Variants in HHLA2 observed in about 807,000 individuals in gnomAD.
The protein encoded by HHLA2 is HHLA2 member of B7 family.
Under a neutral mutation model 45.9 loss-of-function variants are expected in HHLA2, and 48 were observed. That is an observed-to-expected ratio of 1.05 (90% CI 0.83 to 1.33). The LOEUF is 1.33. Ranked by LOEUF, HHLA2 falls within the 40% of genes most tolerant of loss-of-function variation. The pLI is 0.00. For missense variants in HHLA2, 462 were observed against 494.3 expected (o/e 0.93, Z 0.62); for synonymous variants, 161 against 173.9 (o/e 0.93, Z 0.59).
chr3:108,326,604 C>A (rs1459442254), intron 2 of HHLA2: 1 of 152,274 alleles, frequency 6.6e-6, no homozygotes, highest in Admixed American at 6.5e-5. Flanking sequence ...GCTTTGCATT[C>A]ATGGCTATAT....
intron 1 of HHLA2, among the ~76,000 whole-genome samples, 187 bp downstream of exon 1, chr3:108,296,786 G>A (rs1255656807): frequency 1.3e-5 from 2 of 152,146 alleles, no homozygotes; most frequent in Non-Finnish European, 2.9e-5. Context: ...CTTAGTAAAA[G>A]GTTGTCTTGA....
At chr3:108,347,420 C>A (rs1276547748) in intron 3 of HHLA2, among the ~76,000 whole-genome samples, 1 of 152,008 alleles carries the variant, frequency 6.6e-6, no homozygotes, top group Non-Finnish European at 1.5e-5. Flanking sequence ...TCACAAGTCT[C>A]CAGGAATGTA....
intron 2 of HHLA2, among the ~76,000 whole-genome samples, chr3:108,319,744 T>C (rs2081166293): frequency 6.6e-6 from 1 of 152,188 alleles, no homozygotes; most frequent in Admixed American, 6.5e-5. Context: ...TTTCCAACAA[T>C]AAAATATTTT....
intron 7 of HHLA2, among the ~76,000 whole-genome samples, chr3:108,361,678 G>A (rs1576170280): frequency 6.6e-6 from 1 of 151,822 alleles, no homozygotes; most frequent in African/African-American, 2.4e-5. Flanking sequence ...CAGTACTAAG[G>A]TTTCAGGCAT....
At chr3:108,355,433 T>TA in intron 6 of HHLA2, 52 bp downstream of exon 5, 1 of 1,547,642 alleles carries the variant, frequency 6.5e-7, no homozygotes, top group Admixed American at 2.0e-5. Context: ...AGTTGGGGGG[T>TA]AATGGGGACT....
chr3:108,376,893 T>C (rs2082285712), intron 10 of HHLA2: 2 of 333,336 alleles, frequency 6.0e-6, no homozygotes, highest in Non-Finnish European at 1.1e-5. Context: ...TGTATACAAG[T>C]GGAAAGAAAC....
At chr3:108,309,284 G>A (rs1424291406) in intron 1 of HHLA2, among the ~76,000 whole-genome samples, 3 of 152,138 alleles carry the variant, frequency 2.0e-5, no homozygotes, top group Non-Finnish European at 2.9e-5. Context: ...CCCAGTGAAT[G>A]TTCTTGGTAC....
At chr3:108,356,096 C>A (rs908599761) in intron 6 of HHLA2, among the ~76,000 whole-genome samples, 6 of 132,170 alleles carry the variant, frequency 4.5e-5, no homozygotes, top group East Asian at 2.1e-4. Flanking sequence ...GTGGCATGAT[C>A]TCAGCTCAAT....
chr3:108,350,702 T>A (rs2081760519), intron 3 of HHLA2, among the ~76,000 whole-genome samples: 2 of 152,202 alleles, frequency 1.3e-5, no homozygotes. Context: ...GTTACTTTTT[T>A]GAGACAGAGT....
At chr3:108,368,115 A>G (rs1346697659) in intron 8 of HHLA2, among the ~76,000 whole-genome samples, 1 of 152,190 alleles carries the variant, frequency 6.6e-6, no homozygotes, top group Admixed American at 6.5e-5. Context: ...ATTAAGCTTC[A>G]TGAGTGAAGG....
chr3:108,303,991 C>A (rs1401626147), intron 1 of HHLA2, among the ~76,000 whole-genome samples: 1 of 152,148 alleles, frequency 6.6e-6, no homozygotes, highest in Non-Finnish European at 1.5e-5. Flanking sequence ...AACTGACTCT[C>A]ATTTTTGGAC....
chr3:108,296,701 GA>G (rs1233347768), intron 1 of HHLA2, 102 bp downstream of exon 1: 1 of 152,130 alleles, frequency 6.6e-6, no homozygotes, highest in African/African-American at 2.4e-5. Flanking sequence ...TTCCCGTTAG[GA>G]AAAAATTAGT....
chr3:108,371,105 C>T (rs2082162223), intron 8 of HHLA2, among the ~76,000 whole-genome samples: 1 of 152,176 alleles, frequency 6.6e-6, no homozygotes, highest in Non-Finnish European at 1.5e-5. Flanking sequence ...CAAAGGGAAG[C>T]CCATCAGACT....
intron 3 of HHLA2, among the ~76,000 whole-genome samples, chr3:108,333,617 AAAAAAT>A (rs2081423703): frequency 6.6e-6 from 1 of 151,558 alleles, no homozygotes; most frequent in African/African-American, 2.4e-5. Context: ...AAAAAAAAAA[AAAAAAT>A]TAATTTAAAT....
intron 3 of HHLA2, among the ~76,000 whole-genome samples, chr3:108,340,106 T>G (rs60928751): frequency 0.064 from 9,745 of 152,010 alleles, 514 homozygotes; most frequent in East Asian, 0.3. Flanking sequence ...AGCCCATCTG[T>G]GAAGGGCCAG....
intron 3 of HHLA2, among the ~76,000 whole-genome samples, chr3:108,337,982 G>A (rs888431849): frequency 6.6e-6 from 1 of 152,014 alleles, no homozygotes; most frequent in Admixed American, 6.6e-5. Context: ...TTAATTATCA[G>A]TGTATGGCCT....
At chr3:108,339,098 T>C (rs4522771) in intron 3 of HHLA2, among the ~76,000 whole-genome samples, 130,267 of 152,174 alleles carry the variant, frequency 0.86, 57,225 homozygotes, top group Non-Finnish European at 0.93. Context: ...AGCAGACAAA[T>C]GATTTTGGAG....
chr3:108,325,988 T>C (rs761913737), intron 2 of HHLA2: 5 of 345,936 alleles, frequency 1.4e-5, no homozygotes, highest in Non-Finnish European at 2.8e-5. Context: ...CAGGGAGTCA[T>C]GGTCATCAAA....
rs149593757 is a variant in HHLA2, at chr3:108,337,529, T to G, written c.-27+9182T>G. On this transcript the variant is annotated intron_variant, in intron 3 of 10. Transcript: ENST00000619531. ...AATCTATGTGTTTGTACCGTCAAAG[T>G]TGAATGAATAGAAATATACCAATGA... 1.7e-4 allele frequency among the ~76,000 whole-genome samples: 26 copies of G among 152,262 alleles called. No individual in the cohort carries two copies. In the East Asian group the frequency reaches 4.8e-3, roughly 28 times the overall value.
Sources: gnomAD v4.1 joint callset for allele counts (sites outside exome capture counted in the v4.1 genomes callset) on GRCh38, gnomAD v4.1.1 for gene constraint, MANE v1.5 for transcripts, NCBI Gene and HGNC (gene_info 2026-07-23, HGNC 2026-07-21) for gene names.